Variants in AP3B1 observed in about 807,000 individuals in gnomAD.
AP3B1 encodes the protein AP-3 complex subunit beta-1.
A neutral mutation model predicts 132.5 loss-of-function variants in AP3B1; 61 were observed. The observed-to-expected ratio is 0.46, with a 90% CI of 0.37 to 0.57. AP3B1 has a LOEUF of 0.57. AP3B1 is among the 20% of genes least tolerant of loss of function. The pLI, the probability that AP3B1 is intolerant of heterozygous loss-of-function variation, is 0.00. For synonymous variants in AP3B1, 388 were observed against 438.3 expected, an observed-to-expected ratio of 0.89 and a Z score of 1.43; for missense variants, 1,120 against 1,289.4, an observed-to-expected ratio of 0.87 and a Z score of 2.01.
intron 22 of AP3B1, among the ~76,000 whole-genome samples, chr5:78,047,728 T>C (rs74424590): frequency 1.4e-4 from 21 of 152,360 alleles, no homozygotes; most frequent in South Asian, 4.1e-4. Context: ...GCCTTCAGCA[T>C]GTGGGGCTCA....
chr5:78,128,635 A>G (rs1580384379), intron 16 of AP3B1, among the ~76,000 whole-genome samples: 1 of 152,236 alleles, frequency 6.6e-6, no homozygotes, highest in East Asian at 1.9e-4. Context: ...AAAATACTTA[A>G]TTACTCCTTT....
At chr5:78,073,157 T>C (rs1391107448) in intron 22 of AP3B1, among the ~76,000 whole-genome samples, 1 of 152,220 alleles carries the variant, frequency 6.6e-6, no homozygotes, top group Non-Finnish European at 1.5e-5. Context: ...ATTCTACAGC[T>C]AAATTCGTTT....
chr5:78,114,644 AC>A lies in AP3B1; in HGVS notation c.2078-722del, dbSNP rs1751745341. 2.0e-5 allele frequency among the ~76,000 whole-genome samples: 3 copies of A among 152,224 alleles called. No individual in the cohort carries two copies. In the South Asian group the frequency reaches 6.2e-4, roughly 32 times the overall value. On this transcript the variant is annotated intron_variant, in intron 18 of 26. Transcript: ENST00000255194. Reference sequence around the variant, plus strand: ...TTTACTATTTAAAATGACTATAACTACAGAGTTGTGTCCCAGACAAAAGGAC... The same window carrying A: ...TTTACTATTTAAAATGACTATAACTAAGAGTTGTGTCCCAGACAAAAGGAC...
intron 1 of AP3B1, among the ~76,000 whole-genome samples, chr5:78,291,264 C>G (rs1561225155): frequency 6.6e-6 from 1 of 152,050 alleles, no homozygotes; most frequent in Middle Eastern, 3.4e-3. Flanking sequence ...AAGAGCAGAA[C>G]AGCAGAGGGA....
Position 78,003,984 on chromosome 5 carries a change from G to C in AP3B1, c.3132-929C>G, listed in dbSNP as rs556166850. Among the ~76,000 whole-genome samples, 6 of 152,236 alleles carry C rather than the reference G, an allele frequency of 3.9e-5. No individual in the cohort carries two copies. The East Asian group carries it at 9.6e-4, about 24-fold the overall frequency. On this transcript the variant is annotated intron_variant, in intron 26 of 26. Coordinates refer to ENST00000255194, the MANE Select transcript of AP3B1 (RefSeq NM_003664.5). ...TGAAGCATGTTCCACACACTTTTTGGGGGAGGGGGTTTGATTGCAGGGATG... is the reference window on the plus strand; with the variant it reads ...TGAAGCATGTTCCACACACTTTTTGCGGGAGGGGGTTTGATTGCAGGGATG...
chr5:78,001,969 T>A (rs1311804406), downstream of AP3B1: 1 of 152,246 alleles, frequency 6.6e-6, no homozygotes, highest in Non-Finnish European at 1.5e-5. Flanking sequence ...TAAACATTTC[T>A]ATAAGTTTAT....
At chr5:78,198,626 C>G (rs1261563707) in intron 7 of AP3B1, among the ~76,000 whole-genome samples, 1 of 152,196 alleles carries the variant, frequency 6.6e-6, no homozygotes, top group Admixed American at 6.5e-5. Context: ...TTATCCATCT[C>G]TAAATATCAT....
At chr5:78,150,224 T>A (rs1212771289) in intron 14 of AP3B1, among the ~76,000 whole-genome samples, 1 of 152,068 alleles carries the variant, frequency 6.6e-6, no homozygotes, top group Non-Finnish European at 1.5e-5. Context: ...GAAAAAGGCA[T>A]AGTAAAAAGC....
chr5:78,081,586 C>T (rs546223803), intron 22 of AP3B1, among the ~76,000 whole-genome samples: 1 of 152,110 alleles, frequency 6.6e-6, no homozygotes, highest in South Asian at 2.1e-4. Flanking sequence ...CGTGAGCCAC[C>T]GCACCCGGCA....
At chr5:78,005,189 G>T (rs1437538125) in intron 26 of AP3B1, among the ~76,000 whole-genome samples, 1 of 152,094 alleles carries the variant, frequency 6.6e-6, no homozygotes, top group Non-Finnish European at 1.5e-5. Flanking sequence ...TTCAACAGAG[G>T]TCCCTATTTC....
chr5:78,205,376 A>T (rs1745460873), intron 7 of AP3B1, among the ~76,000 whole-genome samples: 1 of 151,988 alleles, frequency 6.6e-6, no homozygotes, highest in Non-Finnish European at 1.5e-5. Flanking sequence ...AAAAATAAAA[A>T]CTAAATCATT....
At chr5:78,238,402 A>C (rs1214004640) in intron 3 of AP3B1, among the ~76,000 whole-genome samples, 1 of 152,186 alleles carries the variant, frequency 6.6e-6, no homozygotes, top group Non-Finnish European at 1.5e-5. Flanking sequence ...AATAAAGTGC[A>C]CCATAAATGT....
At chr5:78,154,314 C>G (rs2112353355) in intron 14 of AP3B1, among the ~76,000 whole-genome samples, 1 of 152,302 alleles carries the variant, frequency 6.6e-6, no homozygotes, top group South Asian at 2.1e-4. Context: ...GAAAAGTCTG[C>G]TGCCACAGGT....
chr5:78,228,067 G>A lies in AP3B1; in HGVS notation c.375+77C>T, dbSNP rs946345416. On this transcript the variant is annotated intron_variant, in intron 4 of 26. Transcript: ENST00000255194. The stretch of plus-strand genomic sequence containing the variant: ...CTACTGTGCTATTTAGTGGATTATC[G>A]CTCCACTTCTTTAACTGACACACTT... The A allele has an allele frequency of 1.2e-5, 12 of 963,982 alleles. No individual in the cohort carries two copies. In the African/African-American group the frequency reaches 1.3e-4, roughly 11 times the overall value. The allele number at this position is 963,982 out of a possible 1,614,324, so 59.7% of individuals were successfully genotyped here.
intron 23 of AP3B1, 103 bp downstream of exon 23, chr5:78,038,940 T>C (rs946033247): frequency 1.4e-6 from 1 of 719,788 alleles, no homozygotes; most frequent in Non-Finnish European, 2.3e-6. Flanking sequence ...TACAATCATA[T>C]TCTACTTTAC....
chr5:78,166,117 T>C (rs867771030), intron 11 of AP3B1, among the ~76,000 whole-genome samples: 3 of 135,838 alleles, frequency 2.2e-5, no homozygotes, highest in Non-Finnish European at 3.1e-5. Flanking sequence ...TGAAACTCTG[T>C]CACACACACA....
At chr5:78,001,454 G>A (rs1044471969), downstream of AP3B1, 1 of 152,176 alleles carries the variant, frequency 6.6e-6, no homozygotes, top group Non-Finnish European at 1.5e-5. Context: ...TGTACACATG[G>A]TACGGAATTG....
intron 15 of AP3B1, among the ~76,000 whole-genome samples, chr5:78,129,823 C>T (rs796963713): frequency 6.6e-6 from 1 of 152,032 alleles, no homozygotes; most frequent in South Asian, 2.1e-4. Flanking sequence ...GAATTATGAC[C>T]CATTAAAGCA....
intron 17 of AP3B1, among the ~76,000 whole-genome samples, chr5:78,119,961 A>G (rs1018282037): frequency 4.6e-5 from 7 of 152,244 alleles, no homozygotes; most frequent in Admixed American, 1.3e-4. Context: ...TTACCTACAA[A>G]GGGAAGCCCA....
Sources: gnomAD v4.1 joint callset for allele counts (sites outside exome capture counted in the v4.1 genomes callset) on GRCh38, gnomAD v4.1.1 for gene constraint, MANE v1.5 for transcripts, NCBI Gene and HGNC (gene_info 2026-07-23, HGNC 2026-07-21) for gene names.